Variants in PACRG observed in about 807,000 individuals in gnomAD.
The protein encoded by PACRG is parkin coregulated, also known as parkin coregulated gene protein.
In PACRG, 29 loss-of-function variants were observed where a neutral mutation model predicts 29.7. That is an observed-to-expected ratio of 0.98 (90% CI 0.73 to 1.33). The LOEUF is 1.33. Among genes scored for constraint, PACRG ranks in the 40% most tolerant of loss-of-function variants. The pLI is 0.00. For missense variants in PACRG, 279 were observed against 316.2 expected, an observed-to-expected ratio of 0.88 and a Z score of 0.89; for synonymous variants, 116 against 118.7, an observed-to-expected ratio of 0.98 and a Z score of 0.15.
At position 162,848,941 on chromosome 6, in the gene PACRG, G is replaced by A. The variant is rs369679898; in HGVS notation, c.291+34660G>A. Among the ~76,000 whole-genome samples the A allele has an allele frequency of 7.7e-4, 117 of 152,340 alleles. No homozygotes were observed. The East Asian group carries it at 0.011, about 15-fold the overall frequency. Reference sequence around the variant, plus strand: ...CAGATCTAGAAATCCAAGTGCTATGGAAACACAAAGGAGAGAGCAACTTTA... The same window carrying A: ...CAGATCTAGAAATCCAAGTGCTATGAAAACACAAAGGAGAGAGCAACTTTA... On this transcript the variant is annotated intron_variant, in intron 2 of 4. Coordinates refer to ENST00000366888, the MANE Select transcript of PACRG (RefSeq NM_001080379.2).
chr6:162,830,495 C>T (rs1383443182), intron 2 of PACRG, among the ~76,000 whole-genome samples: 1 of 152,250 alleles, frequency 6.6e-6, no homozygotes, highest in Admixed American at 6.5e-5. Flanking sequence ...ATATATCAAA[C>T]AGCCATCCTT....
intron 4 of PACRG, among the ~76,000 whole-genome samples, chr6:163,200,934 T>TCAGGCCC (rs537460008): frequency 3.7e-3 from 559 of 152,216 alleles, no homozygotes; most frequent in Middle Eastern, 6.8e-3. Context: ...CTGGGCCGGA[T>TCAGGCCC]CAGGCCCCAG....
intron 4 of PACRG, among the ~76,000 whole-genome samples, chr6:163,251,689 G>A (rs1176930070): frequency 6.6e-6 from 1 of 152,132 alleles, no homozygotes; most frequent in Non-Finnish European, 1.5e-5. Context: ...GAGAAGTTAG[G>A]GCACGAAATC....
chr6:162,875,694 C>G (rs755451020), intron 2 of PACRG, among the ~76,000 whole-genome samples: 2 of 152,204 alleles, frequency 1.3e-5, no homozygotes, highest in Non-Finnish European at 2.9e-5. Context: ...CCCAAAAATT[C>G]TGCTGCAATA....
chr6:163,010,750 A>G (rs897995889), intron 2 of PACRG, among the ~76,000 whole-genome samples: 4 of 152,236 alleles, frequency 2.6e-5, no homozygotes, highest in Non-Finnish European at 5.9e-5. Flanking sequence ...TGTATCAGGC[A>G]CGGTGCTGGG....
intron 4 of PACRG, among the ~76,000 whole-genome samples, chr6:163,214,576 T>A (rs560582810): frequency 2.6e-5 from 4 of 152,048 alleles, no homozygotes; most frequent in Non-Finnish European, 5.9e-5. Flanking sequence ...AATCTTTTTT[T>A]AATTTTTATT....
At chr6:162,793,707 A>G (rs994279435) in intron 1 of PACRG, among the ~76,000 whole-genome samples, 3 of 152,242 alleles carry the variant, frequency 2.0e-5, no homozygotes. Context: ...TAATTAGTCA[A>G]AAATGTACAA....
intron 4 of PACRG, among the ~76,000 whole-genome samples, chr6:163,094,559 A>G (rs942276068): frequency 5.3e-5 from 8 of 152,080 alleles, no homozygotes; most frequent in Non-Finnish European, 1.0e-4. Flanking sequence ...AGTATCTCCA[A>G]TTTACCAAAC....
intron 4 of PACRG, among the ~76,000 whole-genome samples, chr6:163,213,931 A>G (rs1585338996): frequency 6.6e-6 from 1 of 152,200 alleles, no homozygotes; most frequent in Admixed American, 6.5e-5. Context: ...TTGCCCCAAC[A>G]CCATATAAAA....
At chr6:162,792,113 G>A (rs1584371630) in intron 1 of PACRG, among the ~76,000 whole-genome samples, 1 of 152,260 alleles carries the variant, frequency 6.6e-6, no homozygotes, top group Non-Finnish European at 1.5e-5. Flanking sequence ...GAGAAGTGTG[G>A]TGAAATCGCT....
chr6:162,796,940 G>A (rs997589585), intron 1 of PACRG, among the ~76,000 whole-genome samples: 3 of 152,186 alleles, frequency 2.0e-5, no homozygotes, highest in South Asian at 2.1e-4. Context: ...TTCCTCAAGA[G>A]TGGTTCATAG....
intron 2 of PACRG, among the ~76,000 whole-genome samples, chr6:163,021,917 A>G (rs1157523507): frequency 1.3e-5 from 2 of 152,234 alleles, no homozygotes; most frequent in Non-Finnish European, 2.9e-5. Context: ...TTTTATGATA[A>G]CATTCTCTTA....
intron 1 of PACRG, among the ~76,000 whole-genome samples, chr6:162,805,152 C>T (rs571566743): frequency 6.6e-6 from 1 of 152,274 alleles, no homozygotes; most frequent in East Asian, 1.9e-4. Flanking sequence ...TTTACTGAAA[C>T]ATTGTTCTGC....
intron 2 of PACRG, among the ~76,000 whole-genome samples, chr6:162,883,283 C>T (rs1219820354): frequency 6.6e-6 from 1 of 152,076 alleles, no homozygotes; most frequent in African/African-American, 2.4e-5. Flanking sequence ...AAGAGTTTTC[C>T]TTTCAGCTCT....
At chr6:162,763,340 G>A (rs928572102) in intron 1 of PACRG, among the ~76,000 whole-genome samples, 3 of 152,242 alleles carry the variant, frequency 2.0e-5, no homozygotes, top group East Asian at 1.9e-4. Flanking sequence ...AGGCAAGACC[G>A]CTGTCAGGTC....
chr6:162,793,393 A>G (rs1785115201), intron 1 of PACRG, among the ~76,000 whole-genome samples: 1 of 152,208 alleles, frequency 6.6e-6, no homozygotes, highest in East Asian at 1.9e-4. Flanking sequence ...AGTAAAGAGT[A>G]AAAACATTGA....
chr6:163,009,405 T>C (rs966172065), intron 2 of PACRG, among the ~76,000 whole-genome samples: 4 of 152,206 alleles, frequency 2.6e-5, no homozygotes, highest in Non-Finnish European at 5.9e-5. Flanking sequence ...ATTGAAAATG[T>C]AAAACTTCCC....
chr6:162,946,653 T>G (rs1272900694), intron 2 of PACRG, among the ~76,000 whole-genome samples: 1 of 152,066 alleles, frequency 6.6e-6, no homozygotes, highest in African/African-American at 2.4e-5. Context: ...AGCATTACGT[T>G]TATTCCAAAA....
chr6:163,265,854 T>C (rs1783513236), intron 4 of PACRG, among the ~76,000 whole-genome samples: 1 of 152,194 alleles, frequency 6.6e-6, no homozygotes, highest in African/African-American at 2.4e-5. Context: ...ATATTGAGCA[T>C]TTACCATAAT....
Sources: allele counts gnomAD v4.1 joint callset (sites outside exome capture counted in the v4.1 genomes callset), GRCh38; gene constraint gnomAD v4.1.1; transcripts MANE v1.5; gene names NCBI Gene and HGNC (gene_info 2026-07-23, HGNC 2026-07-21).